The following ATP9B variants were observed in gnomAD, a reference collection of about 807,000 sequenced individuals.
ATP9B encodes ATPase phospholipid transporting 9B.
In ATP9B, 110 loss-of-function variants were observed where a neutral mutation model predicts 146.1. The observed-to-expected ratio is 0.75, with a 90% CI of 0.65 to 0.88. The LOEUF is 0.88. Among genes scored for constraint, ATP9B ranks in the 40% least tolerant of loss-of-function variants. The probability of loss-of-function intolerance (pLI) is 0.00; values close to 1 mark genes in which losing one functional copy is unlikely to be tolerated. For missense variants in ATP9B, 1,499 were observed against 1,496.4 expected, an observed-to-expected ratio of 1.00 and a Z score of -0.03; for synonymous variants, 604 against 569.7, an observed-to-expected ratio of 1.06 and a Z score of -0.86.
intron 17 of ATP9B, chr18:79,333,093 AG>A (rs2096800393): frequency 6.6e-6 from 1 of 152,348 alleles, no homozygotes; most frequent in Non-Finnish European, 1.5e-5. Context: ...TCCCACATGG[AG>A]GGCTGCCTGA....
intron 4 of ATP9B, among the ~76,000 whole-genome samples, chr18:79,121,677 G>A (rs1044361941): frequency 1.3e-5 from 2 of 152,218 alleles, no homozygotes; most frequent in Non-Finnish European, 1.5e-5. Flanking sequence ...GGGGATGGAC[G>A]TGATGGTGGT....
intron 13 of ATP9B, among the ~76,000 whole-genome samples, chr18:79,290,634 A>G (rs1017932209): frequency 3.9e-5 from 6 of 152,154 alleles, no homozygotes; most frequent in Non-Finnish European, 7.3e-5. Flanking sequence ...TCCTGGGCCC[A>G]CTGTCTGGCA....
At position 79,378,120 on chromosome 18, in the gene ATP9B, T is replaced by C. The variant is rs1357987392; in HGVS notation, c.*737T>C. 3 of 152,286 alleles carry C rather than the reference T, an allele frequency of 2.0e-5. No individual in the cohort carries two copies. The highest frequency in any genetic ancestry group is 7.2e-5 in the African/African-American group (3 of 41,480). The allele number at this position is 152,286 out of a possible 1,614,324, so 9.4% of individuals were successfully genotyped here. ...ACACAAAGTCATTCCTACTCAAATG[T>C]AATAAAATTGAGGCTCCACGGAGGC... On this transcript the variant is annotated 3_prime_UTR_variant, in exon 30 of 30. Coordinates refer to ENST00000426216, the MANE Select transcript of ATP9B (RefSeq NM_198531.5).
Position 79,246,745 on chromosome 18 carries a change from C to G in ATP9B, c.1108-6636C>G, listed in dbSNP as rs114995644. 8.3e-3 allele frequency among the ~76,000 whole-genome samples: 1,258 copies of G among 152,338 alleles called. 19 individuals are homozygous for G. Among genetic ancestry groups the G allele is most frequent in the African/African-American group, 0.029 (1,208 of 41,582 alleles). On this transcript the variant is annotated intron_variant, in intron 11 of 29. Transcript: ENST00000426216. The stretch of plus-strand genomic sequence containing the variant: ...GCGCTCCCCGCGCTCCCTGGCTTCC[C>G]CTCCCAGCCGCCTATGGGAGGTGTG...
intron 7 of ATP9B, among the ~76,000 whole-genome samples, chr18:79,158,144 A>G (rs1015282663): frequency 1.4e-4 from 21 of 152,164 alleles, no homozygotes; most frequent in African/African-American, 5.1e-4. Context: ...CATAACTACA[A>G]ATTTCCATCT....
intron 1 of ATP9B, among the ~76,000 whole-genome samples, chr18:79,078,534 C>T (rs1362724672): frequency 1.3e-5 from 2 of 151,838 alleles, no homozygotes; most frequent in African/African-American, 2.4e-5. Context: ...GAGCAGTTTA[C>T]ATTTTTTCTT....
At position 79,256,746 on chromosome 18, in the gene ATP9B, A is replaced by G. The variant is rs115034763; in HGVS notation, c.1268+3205A>G. On this transcript the variant is annotated intron_variant, in intron 12 of 29. Transcript: ENST00000426216. ...CACTTACATGCTTTATTTAGTCGAC[A>G]TTTGCTTTCATTTTGCTGTCCTGTT... 1.4e-3 allele frequency among the ~76,000 whole-genome samples: 206 copies of G among 151,782 alleles called. 4 individuals carry two copies. Among genetic ancestry groups the G allele is most frequent in the African/African-American group, 4.9e-3 (203 of 41,370 alleles).
At chr18:79,100,899 CAGG>C (rs1462979897) in intron 2 of ATP9B, among the ~76,000 whole-genome samples, 1 of 152,128 alleles carries the variant, frequency 6.6e-6, no homozygotes, top group South Asian at 2.1e-4. Flanking sequence ...CATTCACTAT[CAGG>C]AGAACAGCCC....
intron 7 of ATP9B, among the ~76,000 whole-genome samples, chr18:79,171,188 A>G (rs960542859): frequency 2.6e-5 from 4 of 152,206 alleles, no homozygotes; most frequent in African/African-American, 9.6e-5. Context: ...TTAAAAACCT[A>G]TTTTTAAAAA....
At chr18:79,310,467 C>A (rs140411453) in intron 15 of ATP9B, among the ~76,000 whole-genome samples, 1 of 152,188 alleles carries the variant, frequency 6.6e-6, no homozygotes, top group African/African-American at 2.4e-5. Flanking sequence ...CAGAGCTGAC[C>A]AAGGGTGGCA....
Position 79,105,442 on chromosome 18 carries a change from G to A in ATP9B, c.294-4913G>A, listed in dbSNP as rs185272913. On this transcript the variant is annotated intron_variant, in intron 2 of 29. Transcript: ENST00000426216. ...ATTTGTAGATCCTGTAAGTAGTAAGGATCATTTTAAAATTATTATTAAAAG... is the reference window on the plus strand; with the variant it reads ...ATTTGTAGATCCTGTAAGTAGTAAGAATCATTTTAAAATTATTATTAAAAG... Among the ~76,000 whole-genome samples, 7 of 152,234 alleles carry A rather than the reference G, an allele frequency of 4.6e-5. No homozygotes were observed. The East Asian group carries it at 1.4e-3, about 29-fold the overall frequency.
intron 17 of ATP9B, among the ~76,000 whole-genome samples, chr18:79,335,665 C>T (rs1045389776): frequency 3.9e-5 from 6 of 152,178 alleles, no homozygotes; most frequent in Admixed American, 2.0e-4. Context: ...CAGCTCTCAC[C>T]GCGGCCCTGC....
Position 79,329,237 on chromosome 18 carries a change from A to G in ATP9B, c.1870A>G (p.Ser624Gly). The G allele has an allele frequency of 6.2e-7, 1 of 1,612,914 alleles. No individual in the cohort carries two copies. The highest frequency in any genetic ancestry group is 1.1e-5 in the South Asian group (1 of 90,820). ...GAAGACCCCCAGTGGCCAGGTCCTC[A>G]GCTTCTGCATTCTGCAGCTGTTTCC... ...QLKTPSGQVL[S>G]FCILQLFPFT... Residue 624 changes from serine to glycine, a missense_variant, in exon 16 of 30, where the codon AGC becomes GGC. Ser to Gly is a moderately conservative substitution (Grantham distance 56, BLOSUM62 0). Coordinates refer to ENST00000426216, the MANE Select transcript of ATP9B (RefSeq NM_198531.5).
chr18:79,371,327 G>A (rs368133492), intron 26 of ATP9B, among the ~76,000 whole-genome samples: 1 of 132,986 alleles, frequency 7.5e-6, no homozygotes, highest in Non-Finnish European at 1.5e-5. Flanking sequence ...AGCCAAGATC[G>A]TGCCATTGCA....
chr18:79,106,469 C>G (rs1386232010), intron 2 of ATP9B, among the ~76,000 whole-genome samples: 6 of 152,152 alleles, frequency 3.9e-5, no homozygotes, highest in Non-Finnish European at 8.8e-5. Flanking sequence ...GCCTGACTCC[C>G]CTGTATAGTG....
intron 9 of ATP9B, among the ~76,000 whole-genome samples, chr18:79,199,880 C>T (rs950554013): frequency 4.2e-4 from 64 of 152,154 alleles, no homozygotes; most frequent in African/African-American, 1.5e-3. Flanking sequence ...AAGATCTCCA[C>T]GTGTAATAAC....
At chr18:79,166,240 A>G (rs570632972) in intron 7 of ATP9B, among the ~76,000 whole-genome samples, 3 of 152,168 alleles carry the variant, frequency 2.0e-5, no homozygotes, top group Non-Finnish European at 4.4e-5. Context: ...AGAAACAGCA[A>G]CCCAGTCAGA....
In ATP9B at chr18:79,072,361, G is replaced by A. The variant is rs536554842; in HGVS notation, c.119+2832G>A. ...AGGGAGTGGTGATGACTCTTAACGA[G>A]CATGCTGCCTTCAAGCATCTGTTTA... is the stretch of plus-strand genomic sequence containing the variant. On this transcript the variant is annotated intron_variant, in intron 1 of 29. Coordinates refer to ENST00000426216, the MANE Select transcript of ATP9B (RefSeq NM_198531.5). Among the ~76,000 whole-genome samples the A allele has an allele frequency of 4.9e-4, 75 of 152,150 alleles. 1 individual carries two copies. The highest frequency in any genetic ancestry group is 1.6e-3 in the African/African-American group (68 of 41,512).
intron 19 of ATP9B, among the ~76,000 whole-genome samples, chr18:79,341,917 C>T (rs1166759121): frequency 6.6e-6 from 1 of 152,236 alleles, no homozygotes; most frequent in East Asian, 1.9e-4. Flanking sequence ...TCCCCATTCC[C>T]CTTCCCCTAA....
Sources: gnomAD v4.1 joint callset for allele counts (sites outside exome capture counted in the v4.1 genomes callset) on GRCh38, gnomAD v4.1.1 for gene constraint, MANE v1.5 for transcripts, NCBI Gene and HGNC (gene_info 2026-07-23, HGNC 2026-07-21) for gene names.